DIS3L2: variants seen among roughly 807,000 people sequenced by gnomAD.
DIS3L2 encodes DIS3-like exonuclease 2.
DIS3L2 carries 34 observed loss-of-function variants against 97.5 expected under a neutral mutation model. The ratio of observed to expected loss-of-function variants is 0.35; its 90% CI spans 0.27 to 0.46. The LOEUF is 0.46. Among genes scored for constraint, DIS3L2 ranks in the 20% least tolerant of loss-of-function variants. DIS3L2 has a pLI of 1.00. For synonymous variants in DIS3L2, 435 were observed against 445.2 expected (o/e 0.98, Z 0.29); for missense variants, 1,038 against 1,146.0 (o/e 0.91, Z 1.36).
chr2:231,975,948 CTT>C (rs1246720082), intron 1 of DIS3L2, among the ~76,000 whole-genome samples: 3 of 152,128 alleles, frequency 2.0e-5, no homozygotes, highest in African/African-American at 2.4e-5. Flanking sequence ...CTCTCTCTCT[CTT>C]ACTCTCTTTT....
intron 11 of DIS3L2, among the ~76,000 whole-genome samples, chr2:232,247,630 GGGGGGC>G (rs1693295235): frequency 3.5e-4 from 23 of 66,176 alleles, no homozygotes; most frequent in Non-Finnish European, 5.0e-4. Context: ...GGGGGGGGGG[GGGGGGC>G]GGGGGGGAGG....
intron 9 of DIS3L2, among the ~76,000 whole-genome samples, chr2:232,199,075 A>G (rs1691828904): frequency 6.6e-6 from 1 of 152,184 alleles, no homozygotes; most frequent in South Asian, 2.1e-4. Flanking sequence ...GTAGATAGCC[A>G]CTAAATATTT....
At chr2:232,100,019 T>C (rs1237294298) in intron 6 of DIS3L2, among the ~76,000 whole-genome samples, 1 of 151,924 alleles carries the variant, frequency 6.6e-6, no homozygotes, top group Non-Finnish European at 1.5e-5. Context: ...ACAATTTTGG[T>C]TGTGTTATTT....
chr2:232,312,271 A>G (rs571674822), intron 14 of DIS3L2, among the ~76,000 whole-genome samples: 16 of 152,330 alleles, frequency 1.1e-4, no homozygotes, highest in African/African-American at 3.4e-4. Context: ...TCTATATTCT[A>G]AAAGAATCTA....
intron 13 of DIS3L2, among the ~76,000 whole-genome samples, chr2:232,286,573 T>C (rs1694439930): frequency 6.6e-6 from 1 of 152,228 alleles, no homozygotes; most frequent in African/African-American, 2.4e-5. Flanking sequence ...TCTCAACTCA[T>C]TATCAGGAAT....
intron 12 of DIS3L2, among the ~76,000 whole-genome samples, chr2:232,259,264 T>C (rs964069195): frequency 1.3e-4 from 20 of 151,942 alleles, no homozygotes; most frequent in Non-Finnish European, 4.4e-5. Context: ...TTATCTATCT[T>C]GACTGATAAG....
At chr2:232,099,609 C>T (rs758884075) in intron 6 of DIS3L2, among the ~76,000 whole-genome samples, 5 of 152,122 alleles carry the variant, frequency 3.3e-5, no homozygotes, top group Non-Finnish European at 4.4e-5. Flanking sequence ...AATGAAATGT[C>T]TTGGTCAGTT....
chr2:232,282,097 C>T (rs1694304044), intron 13 of DIS3L2, among the ~76,000 whole-genome samples: 2 of 149,070 alleles, frequency 1.3e-5, no homozygotes, highest in Admixed American at 6.7e-5. Context: ...CCTCCCTCCT[C>T]ACCTCCTACT....
chr2:232,246,150 T>C (rs1323109518), intron 11 of DIS3L2, among the ~76,000 whole-genome samples: 1 of 152,114 alleles, frequency 6.6e-6, no homozygotes, highest in Non-Finnish European at 1.5e-5. Context: ...GCAGGGAGGA[T>C]GGAGTAAGTG....
At chr2:232,192,490 A>G (rs1181679336) in intron 9 of DIS3L2, among the ~76,000 whole-genome samples, 1 of 152,232 alleles carries the variant, frequency 6.6e-6, no homozygotes, top group Non-Finnish European at 1.5e-5. Flanking sequence ...CCTCATACTG[A>G]GAAAATAGAA....
rs1273589367 is a variant in DIS3L2, at chr2:232,098,581, TG to T, written c.601+10861del. Reference sequence around the variant, plus strand: ...GTTGGCCAAGCTGGTCTCGAACTCCTGTCCTCAGGTGATCCACCTGCCTTGG... The same window carrying T: ...GTTGGCCAAGCTGGTCTCGAACTCCTTCCTCAGGTGATCCACCTGCCTTGG... On this transcript the variant is annotated intron_variant, in intron 6 of 20. Coordinates refer to ENST00000325385, the MANE Select transcript of DIS3L2 (RefSeq NM_152383.5). Among the ~76,000 whole-genome samples, 4 of 152,194 alleles carry T rather than the reference TG, an allele frequency of 2.6e-5. No individual in the cohort carries two copies. The East Asian group carries it at 7.7e-4, about 29-fold the overall frequency.
chr2:232,004,612 A>T, intron 1 of DIS3L2, among the ~76,000 whole-genome samples: 1 of 143,732 alleles, frequency 7.0e-6, no homozygotes, highest in African/African-American at 2.6e-5. Flanking sequence ...ACTGGGTGTC[A>T]CTCTGTTGCC....
At chr2:232,342,186 T>A (rs1373075280), downstream of DIS3L2, among the ~76,000 whole-genome samples, 4 of 148,586 alleles carry the variant, frequency 2.7e-5, no homozygotes, top group African/African-American at 1.0e-4. Flanking sequence ...TATACACGTA[T>A]ACATATATAC....
intron 5 of DIS3L2, among the ~76,000 whole-genome samples, chr2:232,064,757 T>A (rs1197293912): frequency 6.6e-6 from 1 of 152,164 alleles, no homozygotes; most frequent in Non-Finnish European, 1.5e-5. Context: ...TTTGTTATTG[T>A]TTGTTATATT....
chr2:232,196,254 A>G (rs958784735), intron 9 of DIS3L2, among the ~76,000 whole-genome samples: 3 of 152,164 alleles, frequency 2.0e-5, no homozygotes, highest in African/African-American at 7.2e-5. Flanking sequence ...GCGTGAACCA[A>G]TGTGCCTGGC....
chr2:232,333,681 GCCCTGGCCCCAGTCCT>G (rs1459180786), intron 16 of DIS3L2, among the ~76,000 whole-genome samples, 143 bp from the exon 17 acceptor site: 1 of 152,168 alleles, frequency 6.6e-6, no homozygotes, highest in Non-Finnish European at 1.5e-5. Context: ...TGCAGCAAGG[GCCCTGGCCCCAGTCCT>G]CCCTGGCGTC....
intron 5 of DIS3L2, among the ~76,000 whole-genome samples, chr2:232,086,393 A>G (rs12996192): frequency 1.9e-5 from 2 of 106,170 alleles, no homozygotes; most frequent in South Asian, 5.5e-4. Context: ...ATGTATATGT[A>G]TATGTGTATA....
chr2:232,336,850 G>A lies in DIS3L2; in HGVS notation c.*220G>A, dbSNP rs566828092. 7.2e-7 allele frequency: 1 copy of A among 1,383,104 alleles called. No individual in the cohort carries two copies. The highest frequency in any genetic ancestry group is 3.1e-5 in the Admixed American group (1 of 32,100). 85.7% of individuals were successfully genotyped at this position (1,383,104 alleles called of 1,614,324 possible). On this transcript the variant is annotated 3_prime_UTR_variant, in exon 21 of 21. Transcript: ENST00000325385. ...GGCCTGGTCAGCAGTGACCCCAGCA[G>A]AGCAGGCCCCAGTCCTCCTGGGAGG...
chr2:232,117,245 G>C (rs984766065), intron 6 of DIS3L2, among the ~76,000 whole-genome samples: 5 of 152,258 alleles, frequency 3.3e-5, no homozygotes, highest in African/African-American at 1.2e-4. Context: ...ATCAGGGAAG[G>C]GGGATCCAAC....
Sources: gnomAD v4.1 joint callset for allele counts (sites outside exome capture counted in the v4.1 genomes callset) on GRCh38, gnomAD v4.1.1 for gene constraint, MANE v1.5 for transcripts, NCBI Gene and HGNC (gene_info 2026-07-23, HGNC 2026-07-21) for gene names.